ITGB5: variants seen among roughly 807,000 people sequenced by gnomAD.
ITGB5 encodes the protein integrin beta-5.
In ITGB5, 38 loss-of-function variants were observed where a neutral mutation model predicts 84.8. The ratio of observed to expected loss-of-function variants is 0.45; its 90% CI spans 0.35 to 0.59. The LOEUF is 0.59. Ranked by LOEUF, ITGB5 falls within the 20% of genes least tolerant of loss-of-function variation. The probability of loss-of-function intolerance (pLI) is 0.01; values close to 1 mark genes in which losing one functional copy is unlikely to be tolerated. For missense variants in ITGB5, 905 were observed against 1,034.5 expected, an observed-to-expected ratio of 0.87 and a Z score of 1.72; for synonymous variants, 393 against 414.4, an observed-to-expected ratio of 0.95 and a Z score of 0.63.
At chr3:124,805,499 T>C (rs1002862319) in intron 9 of ITGB5, among the ~76,000 whole-genome samples, 1 of 152,100 alleles carries the variant, frequency 6.6e-6, no homozygotes, top group African/African-American at 2.4e-5. Context: ...TTATCTATGC[T>C]AGAATACAGT....
intron 11 of ITGB5, 39 bp from the exon 12 acceptor site, chr3:124,769,152 G>A (rs2063807484): frequency 1.3e-6 from 2 of 1,542,974 alleles, no homozygotes; most frequent in African/African-American, 1.4e-5. Context: ...GTCAGATAAT[G>A]TAGAACAGTC....
intron 1 of ITGB5, 26 bp downstream of exon 1, chr3:124,886,905 T>C (rs1413383541): frequency 8.3e-7 from 1 of 1,199,764 alleles, no homozygotes; most frequent in Non-Finnish European, 1.0e-6. Context: ...AAAGTTTCTC[T>C]GGGCGCCGTG....
chr3:124,765,582 G>C (rs1877567), intron 13 of ITGB5, among the ~76,000 whole-genome samples: 12,068 of 152,154 alleles, frequency 0.079, 805 homozygotes, highest in African/African-American at 0.16. Flanking sequence ...TTACTTTCAC[G>C]TCTGTGCTCC....
At chr3:124,864,331 C>T (rs2107626129) in intron 2 of ITGB5, among the ~76,000 whole-genome samples, 1 of 152,088 alleles carries the variant, frequency 6.6e-6, no homozygotes, top group Non-Finnish European at 1.5e-5. Flanking sequence ...TAGTCTCGAT[C>T]TCCTGACCTC....
intron 2 of ITGB5, among the ~76,000 whole-genome samples, chr3:124,865,898 A>T (rs1173254373): frequency 3.3e-5 from 5 of 152,182 alleles, no homozygotes; most frequent in Non-Finnish European, 1.5e-5. Flanking sequence ...AACTTATTGT[A>T]AGCCACCATG....
chr3:124,852,669 T>C (rs2065173559), intron 3 of ITGB5, among the ~76,000 whole-genome samples: 1 of 152,102 alleles, frequency 6.6e-6, no homozygotes, highest in Non-Finnish European at 1.5e-5. Flanking sequence ...TTCTAGAGAA[T>C]GAGTTGAGAA....
intron 2 of ITGB5, among the ~76,000 whole-genome samples, chr3:124,860,170 C>G (rs2065276194): frequency 6.6e-6 from 1 of 152,256 alleles, no homozygotes; most frequent in East Asian, 1.9e-4. Context: ...AGGAGAAACT[C>G]TATGTGATAT....
chr3:124,782,621 G>A (rs2064020811), intron 10 of ITGB5, among the ~76,000 whole-genome samples: 1 of 152,182 alleles, frequency 6.6e-6, no homozygotes, highest in African/African-American at 2.4e-5. Context: ...ACTTTGGGAG[G>A]CCGAGGCGGG....
chr3:124,865,421 C>A (rs2065371447), intron 2 of ITGB5, among the ~76,000 whole-genome samples: 1 of 150,626 alleles, frequency 6.6e-6, no homozygotes, highest in Non-Finnish European at 1.5e-5. Context: ...ATCAAACTCT[C>A]CAAAGGGGAA....
intron 2 of ITGB5, among the ~76,000 whole-genome samples, chr3:124,872,719 C>T (rs1205876612): frequency 6.6e-6 from 1 of 152,160 alleles, no homozygotes; most frequent in Non-Finnish European, 1.5e-5. Flanking sequence ...GATTAGTCCA[C>T]CAAGTTACAT....
At chr3:124,875,359 C>T (rs996677795) in intron 1 of ITGB5, among the ~76,000 whole-genome samples, 3 of 151,878 alleles carry the variant, frequency 2.0e-5, no homozygotes, top group Admixed American at 6.6e-5. Flanking sequence ...ACCTCCTAAT[C>T]CCAGCTACTT....
At chr3:124,811,890 C>A (rs2064509062) in intron 8 of ITGB5, among the ~76,000 whole-genome samples, 1 of 152,146 alleles carries the variant, frequency 6.6e-6, no homozygotes, top group Admixed American at 6.5e-5. Context: ...GCTTTCTTGA[C>A]CCACCCCAGG....
intron 8 of ITGB5, among the ~76,000 whole-genome samples, chr3:124,811,990 A>T (rs1437589825): frequency 6.6e-6 from 1 of 152,190 alleles, no homozygotes; most frequent in African/African-American, 2.4e-5. Context: ...AAAATAAAAA[A>T]ATAAAAAGGA....
chr3:124,856,180 C>G (rs1005902522), intron 3 of ITGB5, among the ~76,000 whole-genome samples: 13 of 152,126 alleles, frequency 8.5e-5, no homozygotes, highest in Admixed American at 5.2e-4. Flanking sequence ...GCCACCACAC[C>G]CGGCCTTCTC....
intron 3 of ITGB5, among the ~76,000 whole-genome samples, chr3:124,854,139 C>G (rs537272387): frequency 6.6e-6 from 1 of 152,252 alleles, no homozygotes; most frequent in East Asian, 1.9e-4. Flanking sequence ...TATATTTACA[C>G]AAAATCCTGC....
At chr3:124,874,452 G>A (rs1934214371) in intron 1 of ITGB5, among the ~76,000 whole-genome samples, 1 of 151,958 alleles carries the variant, frequency 6.6e-6, no homozygotes, top group East Asian at 1.9e-4. Flanking sequence ...TTCACTCTTT[G>A]TCAAAATCCC....
intron 8 of ITGB5, among the ~76,000 whole-genome samples, chr3:124,813,137 G>A (rs80030464): frequency 0.025 from 3,772 of 152,276 alleles, 179 homozygotes; most frequent in African/African-American, 0.086. Context: ...CCAGGGGCCC[G>A]TGCTGGGGCT....
chr3:124,809,093 T>C lies in ITGB5; in HGVS notation c.1192A>G (p.Thr398Ala), dbSNP rs377730962. Residue 398 changes from threonine to alanine, a missense_variant, in exon 9 of 15, where the codon ACT becomes GCT. Around this residue, in one of 3 missense-constraint regions of ITGB5, gnomAD observed 656 missense variants for 734.7 expected, o/e 0.89. Transcript: ENST00000296181. ...DQPEDLNLFF[T>A]ATCQDGVSYP... is the part of the protein sequence containing the mutation. ...GATACCCCATCTTGGCAGGTAGCAG[T>C]AAAGAAGAGATTAAGATCCTCAGGC... is the stretch of plus-strand genomic sequence containing the variant. The C allele has an allele frequency of 3.1e-6, 5 of 1,613,948 alleles. No homozygotes were observed. In the African/African-American group the frequency reaches 5.3e-5, roughly 17 times the overall value.
At chr3:124,818,578 A>G (rs1249551393) in intron 7 of ITGB5, among the ~76,000 whole-genome samples, 3 of 124,906 alleles carry the variant, frequency 2.4e-5, no homozygotes, top group African/African-American at 9.3e-5. Context: ...CAATTGTGCA[A>G]TCTTGGTTCA....
Sources: gnomAD v4.1 joint callset for allele counts (sites outside exome capture counted in the v4.1 genomes callset) on GRCh38, gnomAD v4.1.1 for gene constraint, gnomAD v4.1.1 regional missense constraint, MANE v1.5 for transcripts, NCBI Gene and HGNC (gene_info 2026-07-23, HGNC 2026-07-21) for gene names.